Variants in SENP5 observed in about 807,000 individuals in gnomAD.
SENP5 encodes the protein sentrin-specific protease 5.
In SENP5, 21 loss-of-function variants were observed where a neutral mutation model predicts 74.2. That is an observed-to-expected ratio of 0.28 (90% CI 0.20 to 0.41). SENP5 has a LOEUF of 0.41. Among genes scored for constraint, SENP5 ranks in the 10% least tolerant of loss-of-function variants. The probability of loss-of-function intolerance (pLI) is 1.00; values close to 1 mark genes in which losing one functional copy is unlikely to be tolerated. For synonymous variants in SENP5, 311 were observed against 312.7 expected, an observed-to-expected ratio of 0.99 and a Z score of 0.06; for missense variants, 717 against 889.1, an observed-to-expected ratio of 0.81 and a Z score of 2.46.
chr3:196,902,126 A>G (rs1035005803), intron 5 of SENP5, among the ~76,000 whole-genome samples: 2 of 152,228 alleles, frequency 1.3e-5, no homozygotes, highest in African/African-American at 4.8e-5. Flanking sequence ...TATAAAACAT[A>G]ACCTTCTTTT....
chr3:196,880,920 C>T (rs1244849595), intron 1 of SENP5, among the ~76,000 whole-genome samples: 2 of 151,478 alleles, frequency 1.3e-5, no homozygotes, highest in African/African-American at 2.4e-5. Context: ...GGATTACAGG[C>T]ATGAGCCACC....
rs369793722 is a variant in SENP5 at position 196,919,114 on chromosome 3, CAG to C, written c.1885-4286_1885-4285del. Reference sequence around the variant, plus strand: ...AAAACAAACAAAAACGGAAAAGAGCCAGAGAGAGAGAGAGACTCAACAATGCA... The same window carrying C: ...AAAACAAACAAAAACGGAAAAGAGCCAGAGAGAGAGAGACTCAACAATGCA... On this transcript the variant is annotated intron_variant, in intron 6 of 9. Coordinates refer to ENST00000323460, the MANE Select transcript of SENP5 (RefSeq NM_152699.5). Among the ~76,000 whole-genome samples the C allele has an allele frequency of 6.6e-5, 10 of 151,320 alleles. No homozygotes were observed. In the East Asian group the frequency reaches 1.2e-3, roughly 18 times the overall value.
chr3:196,876,983 T>G (rs528009719), intron 1 of SENP5, among the ~76,000 whole-genome samples: 1 of 152,234 alleles, frequency 6.6e-6, no homozygotes, highest in East Asian at 1.9e-4. Flanking sequence ...CGTGGAATCA[T>G]ATTGGACTCT....
At chr3:196,881,108 G>T (rs1713709605) in intron 1 of SENP5, among the ~76,000 whole-genome samples, 1 of 151,772 alleles carries the variant, frequency 6.6e-6, no homozygotes, top group African/African-American at 2.4e-5. Flanking sequence ...CACCACACTT[G>T]GCTAATTTTT....
intron 1 of SENP5, among the ~76,000 whole-genome samples, chr3:196,874,598 C>G (rs534346443): frequency 1.3e-4 from 20 of 152,020 alleles, no homozygotes; most frequent in Non-Finnish European, 2.6e-4. Flanking sequence ...TTTCTTAAAT[C>G]CTGGAGTTCC....
At chr3:196,927,774 G>A in intron 7 of SENP5, 22 bp from the exon 8 acceptor site, 4 of 1,414,128 alleles carry the variant, frequency 2.8e-6, no homozygotes, top group Non-Finnish European at 4.0e-6. Flanking sequence ...CAGCATCTGT[G>A]TTGTGGTTTC....
At chr3:196,875,223 G>A (rs953047044) in intron 1 of SENP5, among the ~76,000 whole-genome samples, 1 of 152,150 alleles carries the variant, frequency 6.6e-6, no homozygotes, top group African/African-American at 2.4e-5. Context: ...CAACAGATAG[G>A]CTTTTGACAA....
chr3:196,910,048 A>C (rs562718127), intron 6 of SENP5, among the ~76,000 whole-genome samples: 1 of 152,180 alleles, frequency 6.6e-6, no homozygotes, highest in Non-Finnish European at 1.5e-5. Context: ...AAACTTTAGC[A>C]AAGTCTCAGG....
At chr3:196,899,512 C>T (rs1220378385) in intron 2 of SENP5, among the ~76,000 whole-genome samples, 154 bp from the exon 3 acceptor site, 3 of 152,252 alleles carry the variant, frequency 2.0e-5, no homozygotes, top group Admixed American at 6.5e-5. Context: ...TTACAAAAGA[C>T]ATAACTTTAA....
intron 1 of SENP5, among the ~76,000 whole-genome samples, chr3:196,882,665 A>G (rs1459994323): frequency 6.6e-6 from 1 of 151,964 alleles, no homozygotes; most frequent in African/African-American, 2.4e-5. Context: ...CACCATGCCC[A>G]GCTAATTTTT....
At chr3:196,923,896 T>C (rs1715717443) in intron 7 of SENP5, among the ~76,000 whole-genome samples, 1 of 152,182 alleles carries the variant, frequency 6.6e-6, no homozygotes, top group African/African-American at 2.4e-5. Flanking sequence ...TATAACCTAA[T>C]GGAATCAATT....
rs1034959224 is a variant in SENP5 at position 196,892,165 on chromosome 3, A to G, written c.1513+5471A>G. Among the ~76,000 whole-genome samples, 4 of 151,610 alleles carry G rather than the reference A, an allele frequency of 2.6e-5. No individual in the cohort carries two copies. The South Asian group carries it at 6.3e-4, about 24-fold the overall frequency. Reference sequence around the variant, plus strand: ...TAAGTTTTTGGTTTCTTTGTTTGTGACAGAGTCTCCCTCTGTCTCCCAGGC... The same window carrying G: ...TAAGTTTTTGGTTTCTTTGTTTGTGGCAGAGTCTCCCTCTGTCTCCCAGGC... On this transcript the variant is annotated intron_variant, in intron 2 of 9. Coordinates refer to ENST00000323460, the MANE Select transcript of SENP5 (RefSeq NM_152699.5).
intron 1 of SENP5, among the ~76,000 whole-genome samples, chr3:196,869,447 A>G (rs1053130341): frequency 8.6e-5 from 13 of 150,480 alleles, no homozygotes; most frequent in African/African-American, 2.7e-4. Flanking sequence ...CAAGTGATCT[A>G]CCTGCTTCCG....
chr3:196,877,071 G>C (rs1281600900), intron 1 of SENP5, among the ~76,000 whole-genome samples: 1 of 151,834 alleles, frequency 6.6e-6, no homozygotes, highest in African/African-American at 2.4e-5. Flanking sequence ...TATAATCCCA[G>C]CACTTTGGGA....
At chr3:196,884,192 C>T (rs1713846547) in intron 1 of SENP5, among the ~76,000 whole-genome samples, 3 of 152,188 alleles carry the variant, frequency 2.0e-5, no homozygotes, top group Non-Finnish European at 4.4e-5. Flanking sequence ...GTGAGGTCAG[C>T]ATCTCAAGAG....
At chr3:196,868,196 C>T (rs1713014755) in intron 1 of SENP5, 123 bp downstream of exon 1, 1 of 152,294 alleles carries the variant, frequency 6.6e-6, no homozygotes, top group Non-Finnish European at 1.5e-5. Context: ...GCCGCCCTCC[C>T]CCGCCCGAGC....
intron 1 of SENP5, among the ~76,000 whole-genome samples, chr3:196,868,767 A>G (rs1713061710): frequency 6.6e-6 from 1 of 152,210 alleles, no homozygotes; most frequent in South Asian, 2.1e-4. Context: ...AATGTAAATT[A>G]TAATGTTTGG....
chr3:196,911,672 TG>T (rs1553824725), intron 6 of SENP5, among the ~76,000 whole-genome samples: 2 of 100,926 alleles, frequency 2.0e-5, no homozygotes, highest in Non-Finnish European at 5.1e-5. Context: ...GAGGCAGTTG[TG>T]GTGGTGGGGG....
At chr3:196,882,001 A>G (rs1426201374) in intron 1 of SENP5, among the ~76,000 whole-genome samples, 1 of 151,068 alleles carries the variant, frequency 6.6e-6, no homozygotes, top group Non-Finnish European at 1.5e-5. Context: ...GGTTCAAGCA[A>G]TTCTCGTGTC....
Sources: gnomAD v4.1 joint callset for allele counts (sites outside exome capture counted in the v4.1 genomes callset) on GRCh38, gnomAD v4.1.1 for gene constraint, MANE v1.5 for transcripts, NCBI Gene and HGNC (gene_info 2026-07-23, HGNC 2026-07-21) for gene names.